Variants in NGLY1 observed in about 807,000 individuals in gnomAD.
NGLY1 encodes the protein N-glycanase 1.
A neutral mutation model predicts 84.6 loss-of-function variants in NGLY1; 68 were observed. The observed-to-expected ratio is 0.80, with a 90% CI of 0.66 to 0.98. The LOEUF (loss-of-function observed/expected upper bound fraction) is 0.98, where lower values mean the gene tolerates loss of function less well. Among genes scored for constraint, NGLY1 ranks in the 50% least tolerant of loss-of-function variants. The pLI is 0.00. For missense variants in NGLY1, 779 were observed against 770.2 expected, an observed-to-expected ratio of 1.01 and a Z score of -0.14; for synonymous variants, 280 against 275.2, an observed-to-expected ratio of 1.02 and a Z score of -0.17.
chr3:25,773,036 T>G (rs1272869545), intron 2 of NGLY1, among the ~76,000 whole-genome samples: 1 of 152,236 alleles, frequency 6.6e-6, no homozygotes, highest in Non-Finnish European at 1.5e-5. Context: ...GGTTATCTGA[T>G]GCTTTTGCCT....
intron 2 of NGLY1, among the ~76,000 whole-genome samples, chr3:25,765,779 C>G (rs1287503344): frequency 6.6e-6 from 1 of 152,168 alleles, no homozygotes; most frequent in Non-Finnish European, 1.5e-5. Flanking sequence ...CTCTGTCACC[C>G]AGGCTGGAGT....
chr3:25,760,959 T>A, intron 3 of NGLY1, among the ~76,000 whole-genome samples: 1 of 148,600 alleles, frequency 6.7e-6, no homozygotes, highest in Non-Finnish European at 1.5e-5. Context: ...AGAGGTTGCC[T>A]TATTGTTGGT....
intron 4 of NGLY1, chr3:25,749,689 G>A (rs1008777047): frequency 6.3e-7 from 1 of 1,581,698 alleles, no homozygotes; most frequent in Non-Finnish European, 8.6e-7. Flanking sequence ...AAAAAACAAA[G>A]CACATGCTGC....
chr3:25,781,629 G>A (rs764995599), intron 1 of NGLY1, among the ~76,000 whole-genome samples: 1 of 152,140 alleles, frequency 6.6e-6, no homozygotes, highest in South Asian at 2.1e-4. Flanking sequence ...GCTGTGAGGC[G>A]GAGGTTGCAG....
rs563893710 is a variant in NGLY1 at position 25,730,890 on chromosome 3, C to T, written c.1425+1429G>A. ...TTTTTCTTTCAAGCATTTTTCATTG[C>T]ATATTTCCTAAACATTTTATTAAAT... is the stretch of plus-strand genomic sequence containing the variant. On this transcript the variant is annotated intron_variant, in intron 9 of 11. Transcript: ENST00000280700. Among the ~76,000 whole-genome samples the T allele has an allele frequency of 2.6e-5, 4 of 152,076 alleles. No homozygotes were observed. The South Asian group carries it at 8.3e-4, about 32-fold the overall frequency.
chr3:25,743,319 C>A (rs950404363), intron 4 of NGLY1, among the ~76,000 whole-genome samples: 1 of 152,130 alleles, frequency 6.6e-6, no homozygotes, highest in Admixed American at 6.6e-5. Context: ...ATACCCTCTT[C>A]CCTCTCTGAC....
At chr3:25,747,586 T>TCC in intron 4 of NGLY1, among the ~76,000 whole-genome samples, 1 of 152,182 alleles carries the variant, frequency 6.6e-6, no homozygotes, top group Non-Finnish European at 1.5e-5. Context: ...AGTTAAGCCT[T>TCC]CAGATGGATT....
chr3:25,743,921 T>C (rs1162228115), intron 4 of NGLY1, among the ~76,000 whole-genome samples: 1 of 152,186 alleles, frequency 6.6e-6, no homozygotes, highest in Non-Finnish European at 1.5e-5. Context: ...GAAATAAAAG[T>C]AGATTCCTGT....
exon 1 of NGLY1, chr3:25,790,021 G>C: frequency 2.2e-6 from 2 of 902,670 alleles, no homozygotes; most frequent in Non-Finnish European, 1.8e-6. Context: ...AGTCGAACGG[G>C]ACGCGTGCGT....
At chr3:25,731,991 G>A (rs1234685469) in intron 9 of NGLY1, among the ~76,000 whole-genome samples, 1 of 151,992 alleles carries the variant, frequency 6.6e-6, no homozygotes, top group Non-Finnish European at 1.5e-5. Flanking sequence ...GCGATTACAT[G>A]GGTGTTAAAT....
chr3:25,732,281 A>C (rs927617505), intron 9 of NGLY1, 38 bp downstream of exon 9: 30 of 1,600,242 alleles, frequency 1.9e-5, no homozygotes, highest in Non-Finnish European at 2.2e-5. Context: ...ATGAAGCAGG[A>C]AAGTAAAAGG....
rs374316038 is a variant in NGLY1, at chr3:25,735,968, A to G, written c.1149+36T>C. 11 of 1,524,412 alleles carry G rather than the reference A, an allele frequency of 7.2e-6. No homozygotes were observed. The African/African-American group carries it at 1.5e-4, about 21-fold the overall frequency. 94.4% of individuals were successfully genotyped at this position (1,524,412 alleles called of 1,614,324 possible). Reference sequence around the variant, plus strand: ...GTCATAAAAGAAAAAAATATATTTTACTTTTGGAAAAAAGTTTTTTTCTTT... The same window carrying G: ...GTCATAAAAGAAAAAAATATATTTTGCTTTTGGAAAAAAGTTTTTTTCTTT... On this transcript the variant is annotated intron_variant, in intron 7 of 11. Transcript: ENST00000280700.
At chr3:25,771,555 A>G (rs1291207127) in intron 2 of NGLY1, among the ~76,000 whole-genome samples, 1 of 151,914 alleles carries the variant, frequency 6.6e-6, no homozygotes, top group East Asian at 1.9e-4. Flanking sequence ...GTTTTTTTCT[A>G]GTTTTATGGA....
chr3:25,744,429 T>C (rs1706315678), intron 4 of NGLY1, among the ~76,000 whole-genome samples: 1 of 152,146 alleles, frequency 6.6e-6, no homozygotes, highest in African/African-American at 2.4e-5. Flanking sequence ...ACCAAAACAC[T>C]TTCCCCAGTC....
chr3:25,746,303 TA>T (rs113406651), intron 4 of NGLY1, among the ~76,000 whole-genome samples: 45 of 151,552 alleles, frequency 3.0e-4, no homozygotes, highest in African/African-American at 1.1e-3. Flanking sequence ...TTCATGCCCT[TA>T]AAAAAAAATC....
intron 3 of NGLY1, among the ~76,000 whole-genome samples, chr3:25,752,073 T>G (rs1706783748): frequency 6.6e-6 from 1 of 152,118 alleles, no homozygotes; most frequent in Non-Finnish European, 1.5e-5. Context: ...CTACAACAAC[T>G]GTGGGGGAGA....
Position 25,736,060 on chromosome 3 carries a change from A to G in NGLY1, c.1093T>C (p.Tyr365His). Reference protein sequence around the residue: ...CEDVCDKPLLYEIGWGKKLSY... With the variant: ...CEDVCDKPLLHEIGWGKKLSY... ...AGCTTCTTGCCCCATCCTATTTCATAAAGGAGTGGCTTGTCACAGACATCT... is the reference window on the plus strand; with the variant it reads ...AGCTTCTTGCCCCATCCTATTTCATGAAGGAGTGGCTTGTCACAGACATCT... Residue 365 changes from tyrosine to histidine, a missense_variant, in exon 7 of 12, where the codon TAT becomes CAT. Coordinates refer to ENST00000280700, the MANE Select transcript of NGLY1 (RefSeq NM_018297.4). 2 of 1,614,058 alleles carry G rather than the reference A, an allele frequency of 1.2e-6. No individual in the cohort carries two copies. The highest frequency in any genetic ancestry group is 1.7e-6 in the Non-Finnish European group (2 of 1,179,928).
rs1706985597 is a variant in NGLY1, at chr3:25,755,360, A to G, written c.493-4097T>C. 3.8e-6 allele frequency: 5 copies of G among 1,312,750 alleles called. No homozygotes were observed. The Admixed American group carries it at 8.4e-5, about 22-fold the overall frequency. 81.3% of individuals were successfully genotyped at this position (1,312,750 alleles called of 1,614,324 possible). A position where few individuals can be genotyped will look rare whatever the true frequency, so the allele number is the denominator to read the frequency against. On this transcript the variant is annotated intron_variant, in intron 3 of 11. Transcript: ENST00000280700. ...CCAAGGGAGGCTAGTTCTACGATTG[A>G]CTGTTGGTGCTGTTAGTAGCAAACC... is the stretch of plus-strand genomic sequence containing the variant.
At chr3:25,767,369 T>C (rs999882563) in intron 2 of NGLY1, among the ~76,000 whole-genome samples, 3 of 151,708 alleles carry the variant, frequency 2.0e-5, no homozygotes, top group Non-Finnish European at 4.4e-5. Context: ...GTTGAGACAA[T>C]TCTTATTACA....
Sources: allele counts gnomAD v4.1 joint callset (sites outside exome capture counted in the v4.1 genomes callset), GRCh38; gene constraint gnomAD v4.1.1; transcripts MANE v1.5; gene names NCBI Gene and HGNC (gene_info 2026-07-23, HGNC 2026-07-21).